NAV2: variants seen among roughly 807,000 people sequenced by gnomAD.
NAV2 encodes the protein helicase, APC down-regulated 1.
A neutral mutation model predicts 223.2 loss-of-function variants in NAV2; 54 were observed. The observed-to-expected ratio is 0.24, with a 90% CI of 0.19 to 0.30. The LOEUF is 0.30. NAV2 is among the 10% of genes least tolerant of loss of function. NAV2 has a pLI of 1.00. For synonymous variants in NAV2, 1,279 were observed against 1,239.3 expected (o/e 1.03, Z -0.67); for missense variants, 2,806 against 3,147.5 (o/e 0.89, Z 2.60).
Position 20,055,807 on chromosome 11 carries a change from C to T in NAV2, c.4681C>T (p.Pro1561Ser), listed in dbSNP as rs763124801. The T allele has an allele frequency of 6.2e-7, 1 of 1,614,138 alleles. No individual in the cohort carries two copies. The highest frequency in any genetic ancestry group is 1.1e-5 in the South Asian group (1 of 91,076). Residue 1561 changes from proline (P) to serine (S), a missense_variant, in exon 19 of 38, where the codon CCG (proline) becomes TCG (serine). Coordinates refer to ENST00000349880, the MANE Select transcript of NAV2 (RefSeq NM_145117.5). ...TGTCACCCAGATGAGCTTGTCCAAC[C>T]CGACCATGCTGAGGACTCACAGCCT... The part of the protein sequence containing the change: ...TTVTQMSLSN[P>S]TMLRTHSLSN...
intron 10 of NAV2, among the ~76,000 whole-genome samples, chr11:19,956,394 A>G (rs56318356): frequency 0.33 from 49,137 of 147,686 alleles, 9,214 homozygotes; most frequent in African/African-American, 0.53. Context: ...ACACACACAC[A>G]CGCTCTCTCT....
upstream of NAV2, among the ~76,000 whole-genome samples, chr11:19,349,034 C>T (rs1423456534): frequency 6.6e-6 from 1 of 152,078 alleles, no homozygotes; most frequent in Admixed American, 6.5e-5. Context: ...GAGCAAAAAG[C>T]GAGTATCTAC....
chr11:19,397,086 T>C lies in NAV2; in HGVS notation c.75+46059T>C, dbSNP rs570814958. Among the ~76,000 whole-genome samples the C allele has an allele frequency of 1.6e-3, 244 of 152,286 alleles. 1 individual carries two copies. Among genetic ancestry groups the C allele is most frequent in the Non-Finnish European group, 2.6e-3 (178 of 68,012 alleles). ...TCTTGAGTCTGTTCTTCAGATATCA[T>C]TGATAGAACCAGGGGTGGTTGGCAT... On this transcript the variant is annotated intron_variant, in intron 1 of 37. Transcript: ENST00000360655.
chr11:19,755,915 A>G (rs1372624194), intron 1 of NAV2, among the ~76,000 whole-genome samples: 3 of 152,174 alleles, frequency 2.0e-5, no homozygotes, highest in Non-Finnish European at 4.4e-5. Context: ...CACCTTACAT[A>G]TAGAAATGGT....
intron 7 of NAV2, 79 bp downstream of exon 7, chr11:19,934,356 C>T (rs1591310651): frequency 1.4e-6 from 2 of 1,455,138 alleles, no homozygotes; most frequent in Non-Finnish European, 1.8e-6. Flanking sequence ...TCTGTAAGGG[C>T]AGAAGCTAGA....
chr11:19,616,875 G>T (rs1376845874), intron 1 of NAV2, among the ~76,000 whole-genome samples: 2 of 152,022 alleles, frequency 1.3e-5, no homozygotes, highest in African/African-American at 2.4e-5. Context: ...ATGAGGCTTT[G>T]GTGTCAGGCA....
chr11:19,345,459 C>G, the NAV2 span, among the ~76,000 whole-genome samples: 4 of 152,210 alleles, frequency 2.6e-5, no homozygotes, highest in Admixed American at 2.0e-4. This position sits in a 1 kb window ranked among gnomAD's most constrained non-coding sequence, Gnocchi z 5.2. Context: ...GGGTCCAGAG[C>G]AGGGTGGGGA....
At position 19,635,578 on chromosome 11, in the gene NAV2, A is replaced by C. The variant is rs1032201217; in HGVS notation, c.76-196906A>C. ...TCATACTGCTTCCACTCATGGCAGAACGTGGAAGGGAGGCAGATGTGTTCA... is the reference window on the plus strand; with the variant it reads ...TCATACTGCTTCCACTCATGGCAGACCGTGGAAGGGAGGCAGATGTGTTCA... On this transcript the variant is annotated intron_variant, in intron 1 of 37. Transcript: ENST00000360655. Among the ~76,000 whole-genome samples the C allele has an allele frequency of 2.0e-5, 3 of 152,232 alleles. No homozygotes were observed. The East Asian group carries it at 5.8e-4, about 29-fold the overall frequency.
At chr11:20,117,477 G>A (rs1357354693) in intron 37 of NAV2, among the ~76,000 whole-genome samples, 1 of 152,126 alleles carries the variant, frequency 6.6e-6, no homozygotes, top group East Asian at 1.9e-4. Flanking sequence ...GATACCTTAG[G>A]TAACTTGCCC....
At chr11:19,900,072 C>G (rs190557931) in intron 6 of NAV2, among the ~76,000 whole-genome samples, 2 of 152,246 alleles carry the variant, frequency 1.3e-5, no homozygotes, top group East Asian at 3.9e-4. Flanking sequence ...TTATGACCTT[C>G]TAGCTAGTAC....
chr11:19,713,642 GC>G lies in NAV2; in HGVS notation c.-49del. ...GCTACCCGCGCTGCCTTTAGCGGTCGCCCCCGCCGCCGCTGCCAGGGACGTG... is the reference window on the plus strand; with the variant it reads ...GCTACCCGCGCTGCCTTTAGCGGTCGCCCCGCCGCCGCTGCCAGGGACGTG... On this transcript the variant is annotated 5_prime_UTR_variant, in exon 1 of 38. Transcript: ENST00000349880. This position sits in a 1 kb window ranked among gnomAD's most constrained non-coding sequence, Gnocchi z 7.2. The G allele has an allele frequency of 1.3e-6, 2 of 1,491,228 alleles. No homozygotes were observed. The highest frequency in any genetic ancestry group is 1.8e-6 in the Non-Finnish European group (2 of 1,119,916). 92.4% of individuals were successfully genotyped at this position (1,491,228 alleles called of 1,614,324 possible).
chr11:19,491,925 T>C (rs1013961592), intron 1 of NAV2, among the ~76,000 whole-genome samples: 7 of 150,794 alleles, frequency 4.6e-5, no homozygotes, highest in African/African-American at 1.7e-4. Flanking sequence ...AATTTTAGTA[T>C]TGTTGTGTCT....
At chr11:19,786,947 A>G (rs2057160895) in intron 1 of NAV2, among the ~76,000 whole-genome samples, 1 of 152,122 alleles carries the variant, frequency 6.6e-6, no homozygotes, top group African/African-American at 2.4e-5. Flanking sequence ...TGAAGGCTGT[A>G]GTGTGCTGTA....
At position 19,533,852 on chromosome 11, in the gene NAV2, G is replaced by A. The variant is rs1489568827; in HGVS notation, c.75+182825G>A. 2.1e-5 allele frequency among the ~76,000 whole-genome samples: 3 copies of A among 143,484 alleles called. 1 individual carries two copies. The highest frequency in any genetic ancestry group is 8.7e-5 in the African/African-American group (3 of 34,392). 94.1% of individuals were successfully genotyped at this position (143,484 alleles called of 152,430 possible). Reference sequence around the variant, plus strand: ...CTCCCAAGTAGCTGGGACTACAGGCGCCCGCCACTACGCCCGGCTAATTTT... The same window carrying A: ...CTCCCAAGTAGCTGGGACTACAGGCACCCGCCACTACGCCCGGCTAATTTT... On this transcript the variant is annotated intron_variant, in intron 1 of 37. Transcript: ENST00000360655.
intron 1 of NAV2, among the ~76,000 whole-genome samples, chr11:19,802,610 C>T (rs761021075): frequency 6.6e-6 from 1 of 150,410 alleles, no homozygotes; most frequent in Non-Finnish European, 1.5e-5. Context: ...AGTACATCAC[C>T]AAGGCAGGAG....
chr11:19,974,344 C>T (rs1028725082), intron 10 of NAV2, among the ~76,000 whole-genome samples: 4 of 152,142 alleles, frequency 2.6e-5, no homozygotes, highest in African/African-American at 9.7e-5. Context: ...GAATTATATT[C>T]TGTGATACTG....
At chr11:19,744,566 A>ATTT (rs35247270) in intron 1 of NAV2, among the ~76,000 whole-genome samples, 138 of 151,154 alleles carry the variant, frequency 9.1e-4, no homozygotes, top group East Asian at 1.9e-3. Flanking sequence ...ATATCTGTGG[A>ATTT]TTTTTTTTTT....
At chr11:19,494,422 T>C (rs779161580) in intron 1 of NAV2, among the ~76,000 whole-genome samples, 8 of 152,226 alleles carry the variant, frequency 5.3e-5, no homozygotes, top group Non-Finnish European at 1.2e-4. Flanking sequence ...CACTAATGAA[T>C]ATGTGCTCTT....
chr11:19,380,209 A>G (rs1159691497), intron 1 of NAV2, among the ~76,000 whole-genome samples: 1 of 152,212 alleles, frequency 6.6e-6, no homozygotes, highest in Non-Finnish European at 1.5e-5. Context: ...CAGTCTAGTC[A>G]GTCTTAATGA....
Sources: gnomAD v4.1 joint callset for allele counts (sites outside exome capture counted in the v4.1 genomes callset) on GRCh38, gnomAD v4.1.1 for gene constraint, Gnocchi (gnomAD v3.1) non-coding constraint, MANE v1.5 for transcripts, NCBI Gene and HGNC (gene_info 2026-07-23, HGNC 2026-07-21) for gene names.